Variants in HS1BP3 observed in about 807,000 individuals in gnomAD.
The protein encoded by HS1BP3 is HCLS1 binding protein 3, also known as HCLS1-binding protein 3.
In HS1BP3, 32 loss-of-function variants were observed where a neutral mutation model predicts 33.5. The observed-to-expected ratio is 0.95, with a 90% CI of 0.72 to 1.28. The LOEUF is 1.28. Among genes scored for constraint, HS1BP3 ranks in the 50% most tolerant of loss-of-function variants. HS1BP3 has a pLI of 0.00. For missense variants in HS1BP3, 486 were observed against 502.3 expected, an observed-to-expected ratio of 0.97 and a Z score of 0.31; for synonymous variants, 187 against 209.2, an observed-to-expected ratio of 0.89 and a Z score of 0.92.
Position 20,645,127 on chromosome 2 carries a change from G to C in HS1BP3, c.198+213C>G, listed in dbSNP as rs572052292. Among the ~76,000 whole-genome samples the C allele has an allele frequency of 3.3e-5, 5 of 152,300 alleles. No homozygotes were observed. In the South Asian group the frequency reaches 1.0e-3, roughly 32 times the overall value. On this transcript the variant is annotated intron_variant, in intron 2 of 6. Coordinates refer to ENST00000304031, the MANE Select transcript of HS1BP3 (RefSeq NM_022460.4). Reference sequence around the variant, plus strand: ...GGTGCTCCTGTCCCCATCTGTATCTGTCTCTTTAGAGGTCTGCCTCTCCAC... The same window carrying C: ...GGTGCTCCTGTCCCCATCTGTATCTCTCTCTTTAGAGGTCTGCCTCTCCAC...
At chr2:20,589,740 C>G (rs1024296089), downstream of HS1BP3, among the ~76,000 whole-genome samples, 1 of 152,178 alleles carries the variant, frequency 6.6e-6, no homozygotes, top group Admixed American at 6.5e-5. Context: ...AGACCACACC[C>G]TTCCTGAACA....
chr2:20,602,351 G>C lies in HS1BP3; in HGVS notation c.179-4086C>G, dbSNP rs372387670. ...TTTCCCTCTTTGCTTTGGTCACTGG[G>C]AAGCTCTGTGAATGTAATTCTATGC... On this transcript the variant is annotated intron_variant, in intron 2 of 3. Transcript: ENST00000415264. 1.1e-3 allele frequency among the ~76,000 whole-genome samples: 174 copies of C among 152,006 alleles called. 1 individual carries two copies. The highest frequency in any genetic ancestry group is 4.0e-3 in the African/African-American group (166 of 41,470).
chr2:20,557,313 A>T (rs1255829640), downstream of HS1BP3, among the ~76,000 whole-genome samples: 1 of 152,194 alleles, frequency 6.6e-6, no homozygotes, highest in Non-Finnish European at 1.5e-5. Context: ...CCAGACAAAG[A>T]CCTGTATTTT....
chr2:20,583,874 C>T (rs1403860608), intron 5 of HS1BP3, among the ~76,000 whole-genome samples: 1 of 152,178 alleles, frequency 6.6e-6, no homozygotes, highest in African/African-American at 2.4e-5. Flanking sequence ...AAGGTCACTC[C>T]TGGGACCTGG....
In HS1BP3 at chr2:20,618,029, C is replaced by G. The variant is rs1019248564; in HGVS notation, c.*958G>C. 2.0e-5 allele frequency: 3 copies of G among 152,446 alleles called. 1 individual carries two copies. The highest frequency in any genetic ancestry group is 1.3e-4 in the Admixed American group (2 of 15,290). The allele number at this position is 152,446 out of a possible 1,614,324, so 9.4% of individuals were successfully genotyped here. On this transcript the variant is annotated 3_prime_UTR_variant, in exon 7 of 7. Coordinates refer to ENST00000304031, the MANE Select transcript of HS1BP3 (RefSeq NM_022460.4). ...CAGACCCTGAGGACGACGAAGGCCT[C>G]GGGGCAGAAGCCTGAGAGAATCATG...
chr2:20,572,916 C>T (rs1693309950), intron 5 of HS1BP3, among the ~76,000 whole-genome samples: 1 of 152,176 alleles, frequency 6.6e-6, no homozygotes, highest in South Asian at 2.1e-4. Context: ...GGCAGCCTTC[C>T]TGTCTGCCAG....
intron 4 of HS1BP3, among the ~76,000 whole-genome samples, chr2:20,633,811 C>T (rs1695037599): frequency 6.6e-6 from 1 of 152,256 alleles, no homozygotes; most frequent in Admixed American, 6.5e-5. Flanking sequence ...GCGTGAGCTG[C>T]TGCGTCCGGC....
At chr2:20,641,530 T>G (rs992747047) in intron 2 of HS1BP3, among the ~76,000 whole-genome samples, 2 of 152,134 alleles carry the variant, frequency 1.3e-5, no homozygotes, top group Non-Finnish European at 2.9e-5. Flanking sequence ...ATCAGGAGGG[T>G]GATCTCACCG....
At chr2:20,615,840 A>G (rs903825878), downstream of HS1BP3, among the ~76,000 whole-genome samples, 5 of 152,192 alleles carry the variant, frequency 3.3e-5, no homozygotes, top group African/African-American at 1.2e-4. Context: ...CTTGAGACTC[A>G]GAGGAGCCCG....
intron 5 of HS1BP3, among the ~76,000 whole-genome samples, chr2:20,571,038 A>G (rs1018296405): frequency 3.3e-5 from 5 of 152,190 alleles, no homozygotes; most frequent in South Asian, 2.1e-4. Flanking sequence ...CAGGGCAGTG[A>G]GGACACTGGG....
rs1695232085 is a variant in HS1BP3, at chr2:20,638,479, A to G, written c.580T>C (p.Ser194Pro). 6.2e-7 allele frequency: 1 copy of G among 1,614,100 alleles called. No individual in the cohort carries two copies. The highest frequency in any genetic ancestry group is 1.7e-5 in the Admixed American group (1 of 60,010). ...TCCAGCGCCTCCTCCTCCTCCAAGG[A>G]TTCCTCAGCATCCTCGCCCTTCAGG... Reference protein sequence around the residue: ...QSLKGEDAEESLEEEEALDPL... With the variant: ...QSLKGEDAEEPLEEEEALDPL... The change falls in exon 4 of 7, where the codon TCC becomes CCC. Residue 194 changes from serine (S) to proline (P), a missense_variant. Coordinates refer to ENST00000304031, the MANE Select transcript of HS1BP3 (RefSeq NM_022460.4).
intron 2 of HS1BP3, among the ~76,000 whole-genome samples, chr2:20,601,342 A>G (rs997001756): frequency 1.3e-5 from 2 of 152,144 alleles, no homozygotes; most frequent in African/African-American, 4.8e-5. Context: ...TTGCCACTTT[A>G]ATTTGGTGCT....
At chr2:20,592,433 T>A (rs572468612), downstream of HS1BP3, 22 of 165,478 alleles carry the variant, frequency 1.3e-4, no homozygotes, top group African/African-American at 5.1e-4. Context: ...TGCATCACCG[T>A]AGTGACTCCC....
chr2:20,638,590 C>T lies in HS1BP3; in HGVS notation c.469G>A (p.Asp157Asn). 2 of 1,614,244 alleles carry T rather than the reference C, an allele frequency of 1.2e-6. No individual in the cohort carries two copies. Among genetic ancestry groups the T allele is most frequent in the Non-Finnish European group, 1.7e-6 (2 of 1,180,040 alleles). Residue 157 changes from aspartate to asparagine, a missense_variant, in exon 4 of 7, where the codon GAC becomes AAC. Physicochemically the swap from Asp to Asn is conservative, Grantham distance 23 (BLOSUM62 1). Transcript: ENST00000304031. ...SRDSSVLDGTDSQTGNDEEAF... is the reference protein window; with the variant it reads ...SRDSSVLDGTNSQTGNDEEAF... ...TCTTCATCATTCCCTGTCTGACTGT[C>T]TGTGCCATCCAGGACAGAGGAATCT... is the stretch of plus-strand genomic sequence containing the variant.
Position 20,651,098 on chromosome 2 carries a change from C to T in HS1BP3, c.-35G>A. 8.1e-7 allele frequency: 1 copy of T among 1,227,598 alleles called. No homozygotes were observed. The highest frequency in any genetic ancestry group is 1.0e-6 in the Non-Finnish European group (1 of 984,922). The allele number at this position is 1,227,598 out of a possible 1,614,324, so 76.0% of individuals were successfully genotyped here. Reference sequence around the variant, plus strand: ...GGGGACTCCGGGCGGGGCGCGCAGTCACGGGACCCGGCAGTGCCCGCGTCA... The same window carrying T: ...GGGGACTCCGGGCGGGGCGCGCAGTTACGGGACCCGGCAGTGCCCGCGTCA... On this transcript the variant is annotated 5_prime_UTR_variant, in exon 1 of 7. Coordinates refer to ENST00000304031, the MANE Select transcript of HS1BP3 (RefSeq NM_022460.4).
chr2:20,581,753 C>G (rs770276188), intron 5 of HS1BP3, among the ~76,000 whole-genome samples: 18 of 152,222 alleles, frequency 1.2e-4, no homozygotes, highest in Non-Finnish European at 2.6e-4. Flanking sequence ...AAGGTGTCAA[C>G]TGGGCTGTGA....
chr2:20,642,850 C>T (rs186610717), intron 2 of HS1BP3, among the ~76,000 whole-genome samples: 2 of 152,318 alleles, frequency 1.3e-5, no homozygotes, highest in East Asian at 3.9e-4. Context: ...GTGTGCCAGG[C>T]ACTGCTGAGC....
intron 2 of HS1BP3, 29 bp from the exon 3 acceptor site, chr2:20,641,209 G>A: frequency 2.5e-6 from 4 of 1,579,748 alleles, no homozygotes; most frequent in Non-Finnish European, 3.4e-6. Flanking sequence ...GTGGTTTCCT[G>A]AGTGAAGAGT....
At chr2:20,558,868 T>C (rs1322696502), downstream of HS1BP3, among the ~76,000 whole-genome samples, 1 of 152,134 alleles carries the variant, frequency 6.6e-6, no homozygotes, top group East Asian at 1.9e-4. Context: ...TGGGCGCTGC[T>C]GGGCTCACAT....
Sources: allele counts gnomAD v4.1 joint callset (sites outside exome capture counted in the v4.1 genomes callset), GRCh38; gene constraint gnomAD v4.1.1; transcripts MANE v1.5; gene names NCBI Gene and HGNC (gene_info 2026-07-23, HGNC 2026-07-21).